The following COL18A1 variants were observed in gnomAD, a reference collection of about 807,000 sequenced individuals.
COL18A1 encodes collagen alpha-1(XVIII) chain.
Under a neutral mutation model 168.0 loss-of-function variants are expected in COL18A1, and 133 were observed. The ratio of observed to expected loss-of-function variants is 0.79; its 90% confidence interval spans 0.69 to 0.91. The LOEUF (loss-of-function observed/expected upper bound fraction) is 0.91, where lower values mean the gene tolerates loss of function less well. Among genes scored for constraint, COL18A1 ranks in the 40% least tolerant of loss-of-function variants. COL18A1 has a pLI of 0.00. For synonymous variants in COL18A1, 949 were observed against 809.0 expected (o/e 1.17, Z -2.94); for missense variants, 2,126 against 1,925.4 (o/e 1.10, Z -1.95).
At chr21:45,429,116 T>G (rs954853461) in intron 2 of COL18A1, among the ~76,000 whole-genome samples, 3 of 152,272 alleles carry the variant, frequency 2.0e-5, no homozygotes, top group South Asian at 4.1e-4. Flanking sequence ...TTGGCCAGGA[T>G]GGTCTCGATC....
chr21:45,454,533 G>A (rs143852830), intron 2 of COL18A1, among the ~76,000 whole-genome samples: 1 of 152,340 alleles, frequency 6.6e-6, no homozygotes, highest in Non-Finnish European at 1.5e-5. Flanking sequence ...GTGTGTGAGT[G>A]AGCACGCCTG....
At chr21:45,461,248 G>A (rs924049345) in intron 2 of COL18A1, among the ~76,000 whole-genome samples, 1 of 152,104 alleles carries the variant, frequency 6.6e-6, no homozygotes, top group African/African-American at 2.4e-5. Flanking sequence ...TGCCCTGTTA[G>A]CATTCCCAGA....
At chr21:45,496,964 G>A in intron 30 of COL18A1, 86 bp from the exon 31 acceptor site, 1 of 871,210 alleles carries the variant, frequency 1.1e-6, no homozygotes. Context: ...AGGGGCTGGT[G>A]CTTCTGGGCT....
At chr21:45,506,834 G>A (rs993858527) in intron 37 of COL18A1, 12 of 167,562 alleles carry the variant, frequency 7.2e-5, no homozygotes, top group African/African-American at 2.6e-4. Context: ...TCTCGCCACC[G>A]GCCCCCTCCT....
In COL18A1 at chr21:45,480,326, C is replaced by T. The variant is rs888804250; in HGVS notation, c.1399-141C>T. The T allele has an allele frequency of 7.4e-6, 11 of 1,496,014 alleles. No homozygotes were observed. The African/African-American group carries it at 1.1e-4, about 15-fold the overall frequency. The allele number at this position is 1,496,014 out of a possible 1,614,324, so 92.7% of individuals were successfully genotyped here. ...CCCCCATCCACCTGCCTTCAGGCTT[C>T]TCTGGGGGCAGCAGAGGGGCCGTGG... On this transcript the variant is annotated intron_variant, in intron 11 of 41. Coordinates refer to ENST00000651438, the MANE Select transcript of COL18A1 (RefSeq NM_001379500.1).
At chr21:45,461,545 C>T (rs1157947186) in intron 2 of COL18A1, among the ~76,000 whole-genome samples, 2 of 152,176 alleles carry the variant, frequency 1.3e-5, no homozygotes, top group Non-Finnish European at 2.9e-5. Flanking sequence ...CCTTGTCCTG[C>T]ATCTGCTGCA....
intron 29 of COL18A1, 175 bp downstream of exon 29, chr21:45,495,607 C>CACGT (rs3028017): frequency 6.3e-6 from 4 of 637,376 alleles, no homozygotes; most frequent in African/African-American, 3.6e-5. Flanking sequence ...TGTCCACACA[C>CACGT]GCACACGTGT....
At chr21:45,474,597 G>A (rs914807064) in intron 4 of COL18A1, among the ~76,000 whole-genome samples, 4 of 152,158 alleles carry the variant, frequency 2.6e-5, no homozygotes, top group Non-Finnish European at 4.4e-5. Context: ...TGTTGGTGGG[G>A]TGTGTGGAAT....
At chr21:45,415,001 T>A (rs768998192) in intron 2 of COL18A1, among the ~76,000 whole-genome samples, 2 of 151,976 alleles carry the variant, frequency 1.3e-5, no homozygotes, top group Non-Finnish European at 1.5e-5. Flanking sequence ...AGGAAGTGGG[T>A]TCCCCCTGGA....
chr21:45,490,169 A>G, intron 19 of COL18A1, 106 bp from the exon 20 acceptor site: 2 of 852,832 alleles, frequency 2.3e-6, no homozygotes, highest in Non-Finnish European at 3.8e-6. Flanking sequence ...GAGAGAGAGA[A>G]GTCCAGGCCA....
chr21:45,484,934 A>G (rs1424699026), intron 15 of COL18A1, among the ~76,000 whole-genome samples: 2 of 152,214 alleles, frequency 1.3e-5, no homozygotes, highest in Non-Finnish European at 2.9e-5. Flanking sequence ...TGAGAATTCT[A>G]GAACCCTACA....
chr21:45,408,262 G>A (rs1569271815), intron 2 of COL18A1, among the ~76,000 whole-genome samples: 1 of 152,234 alleles, frequency 6.6e-6, no homozygotes, highest in African/African-American at 2.4e-5. Context: ...ATGCATACAC[G>A]GGCATGCACA....
intron 2 of COL18A1, among the ~76,000 whole-genome samples, chr21:45,421,824 C>T (rs1267330026): frequency 6.6e-6 from 1 of 152,092 alleles, no homozygotes; most frequent in Non-Finnish European, 1.5e-5. Flanking sequence ...GGCCCTGTGA[C>T]AGGACACAGC....
chr21:45,492,744 G>GCCCGCCACTGCCCT lies in COL18A1; in HGVS notation c.2214+35_2214+36insCCACTGCCCTCCCG, dbSNP rs11267376. The GCCCGCCACTGCCCT allele has an allele frequency of 0.42, 653,453 of 1,547,080 alleles. 144,183 individuals are homozygous for GCCCGCCACTGCCCT. Among genetic ancestry groups the GCCCGCCACTGCCCT allele is most frequent in the African/African-American group, 0.67 (49,371 of 73,384 alleles). ...TAACCTGGTGCCAGAGCTGCATGCT[G>GCCCGCCACTGCCCT]CCCGGCTGGGGAGGGGTCTCCACCT... On this transcript the variant is annotated intron_variant, in intron 24 of 41. Coordinates refer to ENST00000651438, the MANE Select transcript of COL18A1 (RefSeq NM_001379500.1).
At chr21:45,427,666 CGT>C (rs1275139107) in intron 2 of COL18A1, among the ~76,000 whole-genome samples, 1 of 152,216 alleles carries the variant, frequency 6.6e-6, no homozygotes, top group Admixed American at 6.5e-5. Flanking sequence ...CATGCTTGTG[CGT>C]ACCCTGGACT....
rs1209702215 is a variant in COL18A1, at chr21:45,457,044, G to T, written c.107-11198G>T. ...GGGAGAGCTGGGAGTGAGGCCTCCT[G>T]TGTGGGGAGGAGGCCGGCGTCTGGA... On this transcript the variant is annotated intron_variant, in intron 2 of 41. Coordinates refer to ENST00000651438, the MANE Select transcript of COL18A1 (RefSeq NM_001379500.1). This position sits in a 1 kb window ranked among gnomAD's most constrained non-coding sequence, Gnocchi z 4.6. Among the ~76,000 whole-genome samples the T allele has an allele frequency of 6.6e-6, 1 of 152,198 alleles. No homozygotes were observed. The highest frequency in any genetic ancestry group is 1.5e-5 in the Non-Finnish European group (1 of 68,032).
intron 2 of COL18A1, chr21:45,456,853 G>T: frequency 6.8e-7 from 1 of 1,480,302 alleles, no homozygotes; most frequent in Non-Finnish European, 9.0e-7. Context: ...AGGAGGATGG[G>T]TACTGTGTGC....
In COL18A1 at chr21:45,443,891, C is replaced by T. The variant is rs1298197704; in HGVS notation, c.107-24351C>T. ...ACTGGACATCTGGTGGCCCTCCAGACTCCTAGGAAGGGGACCGTCCTCCCA... is the reference window on the plus strand; with the variant it reads ...ACTGGACATCTGGTGGCCCTCCAGATTCCTAGGAAGGGGACCGTCCTCCCA... On this transcript the variant is annotated intron_variant, in intron 2 of 41. Coordinates refer to ENST00000651438, the MANE Select transcript of COL18A1 (RefSeq NM_001379500.1). This position sits in a 1 kb window ranked among gnomAD's most constrained non-coding sequence, Gnocchi z 5.2. Among the ~76,000 whole-genome samples, 3 of 152,166 alleles carry T rather than the reference C, an allele frequency of 2.0e-5. No homozygotes were observed. The highest frequency in any genetic ancestry group is 2.9e-5 in the Non-Finnish European group (2 of 68,012).
intron 3 of COL18A1, among the ~76,000 whole-genome samples, chr21:45,469,742 G>A (rs1231521113): frequency 6.6e-6 from 1 of 152,220 alleles, no homozygotes; most frequent in Admixed American, 6.5e-5. Flanking sequence ...CTGGCGGGCC[G>A]CAGGGGACAG....
Sources: allele counts gnomAD v4.1 joint callset (sites outside exome capture counted in the v4.1 genomes callset), GRCh38; gene constraint gnomAD v4.1.1; non-coding constraint Gnocchi (gnomAD v3.1); transcripts MANE v1.5; gene names NCBI Gene and HGNC (gene_info 2026-07-23, HGNC 2026-07-21).